Variants in SHOC1 observed in about 807,000 individuals in gnomAD.
SHOC1 encodes shortage in chiasmata 1.
Under a neutral mutation model 179.2 loss-of-function variants are expected in SHOC1, and 136 were observed. The ratio of observed to expected loss-of-function variants is 0.76; its 90% CI spans 0.66 to 0.87. SHOC1 has a LOEUF of 0.87. Ranked by LOEUF, SHOC1 falls within the 40% of genes least tolerant of loss-of-function variation. SHOC1 has a pLI of 0.00. For missense variants in SHOC1, 1,538 were observed against 1,700.8 expected, an observed-to-expected ratio of 0.90 and a Z score of 1.68; for synonymous variants, 489 against 586.6, an observed-to-expected ratio of 0.83 and a Z score of 2.41.
chr9:111,786,157 C>A, intron 2 of SHOC1, 122 bp from the exon 3 acceptor site: 1 of 714,610 alleles, frequency 1.4e-6, no homozygotes, highest in Non-Finnish European at 2.0e-6. Context: ...AATACATGCT[C>A]CTTATAAAAA....
chr9:111,788,667 G>A lies in SHOC1; in HGVS notation c.46-2632C>T, dbSNP rs183597151. On this transcript the variant is annotated intron_variant, in intron 2 of 27. Coordinates refer to ENST00000682961, the MANE Select transcript of SHOC1 (RefSeq NM_001378211.1). ...TCATTTACATATCACTTAGCAATGT[G>A]CTTTTTTTCACTAAACAGTATAATG... Among the ~76,000 whole-genome samples the A allele has an allele frequency of 7.3e-4, 111 of 152,190 alleles. 2 individuals carry two copies. The East Asian group carries it at 0.015, about 21-fold the overall frequency.
chr9:111,752,215 C>T (rs1834624404), intron 8 of SHOC1, among the ~76,000 whole-genome samples: 1 of 152,138 alleles, frequency 6.6e-6, no homozygotes, highest in Non-Finnish European at 1.5e-5. Context: ...AGGGTTACCA[C>T]AGCAGCTGGA....
intron 15 of SHOC1, among the ~76,000 whole-genome samples, chr9:111,721,707 ACT>A (rs1158554167): frequency 5.3e-5 from 8 of 151,976 alleles, no homozygotes; most frequent in Non-Finnish European, 1.2e-4. Context: ...ACAATTCTAT[ACT>A]CTCTGTGCGA....
At chr9:111,709,395 G>A (rs565975626) in intron 18 of SHOC1, among the ~76,000 whole-genome samples, 1 of 152,132 alleles carries the variant, frequency 6.6e-6, no homozygotes, top group African/African-American at 2.4e-5. Context: ...GATTGTATTC[G>A]CTATGATCCC....
At chr9:111,723,645 G>A in intron 14 of SHOC1, 147 bp downstream of exon 14, 1 of 798,152 alleles carries the variant, frequency 1.3e-6, no homozygotes, top group South Asian at 1.6e-5. Context: ...TCCAGATTGG[G>A]ATATAACTTG....
chr9:111,746,867 A>G (rs1225024685), intron 9 of SHOC1, among the ~76,000 whole-genome samples: 2 of 152,174 alleles, frequency 1.3e-5, no homozygotes, highest in Non-Finnish European at 2.9e-5. Context: ...GGTGATTTTT[A>G]AAACATACAT....
chr9:111,723,333 A>C (rs1355591900), intron 14 of SHOC1, among the ~76,000 whole-genome samples: 1 of 152,242 alleles, frequency 6.6e-6, no homozygotes, highest in African/African-American at 2.4e-5. Flanking sequence ...GATTTTAATA[A>C]TGAATCTGAT....
intron 18 of SHOC1, among the ~76,000 whole-genome samples, chr9:111,708,763 G>A (rs946632198): frequency 7.9e-5 from 12 of 152,006 alleles, no homozygotes; most frequent in Admixed American, 7.9e-4. Context: ...TTTTACTAAT[G>A]TTTAAACAAA....
chr9:111,757,981 AT>A lies in SHOC1; in HGVS notation c.708+102del, dbSNP rs566307349. 9.7e-5 allele frequency: 58 copies of A among 598,344 alleles called. No individual in the cohort carries two copies. The East Asian group carries it at 1.5e-3, about 15-fold the overall frequency. The allele number at this position is 598,344 out of a possible 1,614,324, so 37.1% of individuals were successfully genotyped here. A position where few individuals can be genotyped will look rare whatever the true frequency, so the allele number is the denominator to read the frequency against. ...TGATACATGTTCATTCCATTATAAAATCTTTTTAATTTGACAATTGTAGACA... is the reference window on the plus strand; with the variant it reads ...TGATACATGTTCATTCCATTATAAAACTTTTTAATTTGACAATTGTAGACA... On this transcript the variant is annotated intron_variant, in intron 7 of 27. Coordinates refer to ENST00000682961, the MANE Select transcript of SHOC1 (RefSeq NM_001378211.1).
intron 3 of SHOC1, among the ~76,000 whole-genome samples, chr9:111,784,114 G>A (rs558223010): frequency 6.6e-6 from 1 of 152,276 alleles, no homozygotes; most frequent in South Asian, 2.1e-4. Flanking sequence ...AACTTCAAGT[G>A]AGGAAAGGAG....
At position 111,705,250 on chromosome 9, in the gene SHOC1, G is replaced by T; in HGVS notation, c.2852C>A (p.Ser951Tyr). Residue 951 changes from serine to tyrosine, a missense_variant, in exon 21 of 28, where the codon TCC (serine) becomes TAC (tyrosine). Coordinates refer to ENST00000682961, the MANE Select transcript of SHOC1 (RefSeq NM_001378211.1). Reference sequence around the variant, plus strand: ...AATTGTGAAATCAATAACTTACTTGGATTCTAGCAGCTGAAGTATGTCTGG... The same window carrying T: ...AATTGTGAAATCAATAACTTACTTGTATTCTAGCAGCTGAAGTATGTCTGG... ...NTPDILQLLE[S>Y]NYNISLVERG... is the part of the protein sequence containing the mutation. 2 of 1,483,496 alleles carry T rather than the reference G, an allele frequency of 1.3e-6. No homozygotes were observed. Among genetic ancestry groups the T allele is most frequent in the South Asian group, 1.3e-5 (1 of 79,214 alleles). 91.9% of individuals were successfully genotyped at this position (1,483,496 alleles called of 1,614,324 possible).
intron 4 of SHOC1, among the ~76,000 whole-genome samples, chr9:111,779,030 C>T (rs141742712): frequency 6.7e-4 from 96 of 143,840 alleles, no homozygotes; most frequent in African/African-American, 2.4e-3. Flanking sequence ...ACCCAGGAGG[C>T]GGAGGTTGCA....
intron 5 of SHOC1, among the ~76,000 whole-genome samples, chr9:111,763,220 C>T (rs987622074): frequency 2.6e-5 from 4 of 151,602 alleles, no homozygotes; most frequent in African/African-American, 9.7e-5. Flanking sequence ...AATAAATGAA[C>T]AATAGGAGAT....
chr9:111,759,813 A>G (rs1018106251), intron 5 of SHOC1, among the ~76,000 whole-genome samples: 15 of 152,294 alleles, frequency 9.8e-5, no homozygotes, highest in African/African-American at 3.4e-4. Flanking sequence ...CATAATTGGT[A>G]TGCAGGCAGC....
chr9:111,712,604 G>C (rs193275376), intron 18 of SHOC1, among the ~76,000 whole-genome samples: 10 of 152,304 alleles, frequency 6.6e-5, no homozygotes, highest in Admixed American at 2.0e-4. Flanking sequence ...AGGGTTGACA[G>C]AAGGGGCAGT....
chr9:111,742,308 A>G (rs866510431), intron 10 of SHOC1, among the ~76,000 whole-genome samples: 124 of 152,314 alleles, frequency 8.1e-4, no homozygotes, highest in African/African-American at 2.6e-3. Flanking sequence ...TTTTTATAAA[A>G]TTGCTGTCCC....
chr9:111,794,620 G>A (rs1836563069), intron 1 of SHOC1, among the ~76,000 whole-genome samples: 1 of 152,060 alleles, frequency 6.6e-6, no homozygotes, highest in Non-Finnish European at 1.5e-5. Flanking sequence ...CAGAGAAGGC[G>A]AGGTGCACCT....
intron 7 of SHOC1, among the ~76,000 whole-genome samples, chr9:111,757,293 A>T (rs749127551): frequency 2.0e-5 from 3 of 152,050 alleles, no homozygotes; most frequent in Admixed American, 6.5e-5. Context: ...TAGTAGAGAC[A>T]GAGTTTCACC....
chr9:111,764,127 T>C (rs991293396), intron 5 of SHOC1, among the ~76,000 whole-genome samples: 2 of 152,150 alleles, frequency 1.3e-5, no homozygotes. Flanking sequence ...CCCACCAAAA[T>C]GTGAATGATC....
Sources: allele counts gnomAD v4.1 joint callset (sites outside exome capture counted in the v4.1 genomes callset), GRCh38; gene constraint gnomAD v4.1.1; transcripts MANE v1.5; gene names NCBI Gene and HGNC (gene_info 2026-07-23, HGNC 2026-07-21).